MTCL2: variants seen among roughly 807,000 people sequenced by gnomAD.
The protein encoded by MTCL2 is microtubule crosslinking factor 2.
the MTCL2 span, chr20:36,784,678 C>T: frequency 9.1e-6 from 9 of 985,418 alleles, no homozygotes; most frequent in Non-Finnish European, 9.6e-6. Context: ...CCACATGCTG[C>T]AATGAGCCAC....
the MTCL2 span, chr20:36,815,926 C>T: frequency 4.3e-6 from 7 of 1,612,228 alleles, no homozygotes; most frequent in South Asian, 1.1e-5. The surrounding 1 kb of genome is among the most constrained non-coding windows in gnomAD (Gnocchi z 5.3). Flanking sequence ...AAGCTCTCCC[C>T]GCACTCTCCG....
At chr20:36,843,158 G>T in the MTCL2 span, among the ~76,000 whole-genome samples, 1 of 152,168 alleles carries the variant, frequency 6.6e-6, no homozygotes, top group Non-Finnish European at 1.5e-5. Flanking sequence ...TTGTGCCTGT[G>T]AAAGGAACAA....
the MTCL2 span, among the ~76,000 whole-genome samples, chr20:36,797,272 C>T: frequency 6.6e-6 from 1 of 152,062 alleles, no homozygotes; most frequent in Non-Finnish European, 1.5e-5. Context: ...TTGTCTTCTT[C>T]CTCCTCAACC....
the MTCL2 span, among the ~76,000 whole-genome samples, chr20:36,843,531 C>A: frequency 2.7e-5 from 4 of 149,490 alleles, no homozygotes; most frequent in Non-Finnish European, 4.4e-5. Context: ...AATGATCACA[C>A]CAGTTAAAAA....
the MTCL2 span, chr20:36,782,226 G>T: frequency 6.6e-6 from 1 of 152,136 alleles, no homozygotes; most frequent in African/African-American, 2.4e-5. Flanking sequence ...TGCTGAATGG[G>T]GACCTCAGAT....
chr20:36,788,520 C>T, the MTCL2 span, among the ~76,000 whole-genome samples: 2 of 151,986 alleles, frequency 1.3e-5, no homozygotes, highest in Non-Finnish European at 2.9e-5. Flanking sequence ...TGCCTGTAGT[C>T]CCAGCTACTT....
At chr20:36,794,769 C>CT in the MTCL2 span, 78,959 of 595,382 alleles carry the variant, frequency 0.13, no homozygotes, top group South Asian at 0.16. The surrounding 1 kb of genome is among the most constrained non-coding windows in gnomAD (Gnocchi z 5.4). Context: ...TCTGCATTTT[C>CT]TTTTTTTTTT....
At chr20:36,786,444 C>A in the MTCL2 span, 2 of 1,502,672 alleles carry the variant, frequency 1.3e-6, no homozygotes, top group African/African-American at 2.8e-5. Flanking sequence ...TTCTGCTATC[C>A]AGGGGCTGGG....
chr20:36,807,101 GGGC>G, the MTCL2 span, among the ~76,000 whole-genome samples: 1 of 152,192 alleles, frequency 6.6e-6, no homozygotes, highest in Non-Finnish European at 1.5e-5. Flanking sequence ...ATGCTCCCAG[GGGC>G]GGCCCTGTGT....
chr20:36,832,249 T>C, the MTCL2 span, among the ~76,000 whole-genome samples: 1 of 152,314 alleles, frequency 6.6e-6, no homozygotes, highest in East Asian at 1.9e-4. Flanking sequence ...CAGGAAGGGC[T>C]GCACCCCTGG....
the MTCL2 span, among the ~76,000 whole-genome samples, chr20:36,832,056 C>T: frequency 1.1e-4 from 16 of 152,204 alleles, no homozygotes; most frequent in Non-Finnish European, 1.6e-4. Context: ...CCAGCAGCAG[C>T]GCAGCGTCAG....
the MTCL2 span, among the ~76,000 whole-genome samples, chr20:36,807,779 C>T: frequency 6.6e-6 from 1 of 151,746 alleles, no homozygotes; most frequent in Non-Finnish European, 1.5e-5. Flanking sequence ...TGCCTGTAAT[C>T]CCAGCACTTT....
chr20:36,832,040 T>C, the MTCL2 span, among the ~76,000 whole-genome samples: 1 of 152,212 alleles, frequency 6.6e-6, no homozygotes, highest in African/African-American at 2.4e-5. Context: ...TTCATATCTA[T>C]GTGTCCCAGC....
the MTCL2 span, among the ~76,000 whole-genome samples, chr20:36,825,163 G>A: frequency 6.6e-6 from 1 of 151,800 alleles, no homozygotes; most frequent in African/African-American, 2.4e-5. Context: ...GGCTGGTCTC[G>A]AACTCCTGAC....
At chr20:36,792,755 C>T in the MTCL2 span, among the ~76,000 whole-genome samples, 1 of 152,082 alleles carries the variant, frequency 6.6e-6, no homozygotes, top group Non-Finnish European at 1.5e-5. Flanking sequence ...TGGGACCTTC[C>T]AACTCTATCC....
At chr20:36,783,621 C>A in the MTCL2 span, 1 of 238,310 alleles carries the variant, frequency 4.2e-6, no homozygotes, top group Non-Finnish European at 6.8e-6. Context: ...GGCAGAGAGG[C>A]AGGAGGAAGG....
At chr20:36,858,550 G>A in the MTCL2 span, among the ~76,000 whole-genome samples, 5 of 147,378 alleles carry the variant, frequency 3.4e-5, no homozygotes, top group South Asian at 2.1e-4. Context: ...ACACCTTTCC[G>A]TTCTCCCTGG....
At chr20:36,860,477 TA>T in the MTCL2 span, among the ~76,000 whole-genome samples, 1 of 152,248 alleles carries the variant, frequency 6.6e-6, no homozygotes, top group South Asian at 2.1e-4. Context: ...AGGTTCTAAA[TA>T]AACAGCTGCC....
At chr20:36,779,853 G>A in the MTCL2 span, 1 of 152,070 alleles carries the variant, frequency 6.6e-6, no homozygotes, top group Non-Finnish European at 1.5e-5. Flanking sequence ...GTGAGCTCCG[G>A]ACCCAGAAGA....
Sources: allele counts gnomAD v4.1 joint callset (sites outside exome capture counted in the v4.1 genomes callset), GRCh38; gene constraint gnomAD v4.1.1; non-coding constraint Gnocchi (gnomAD v3.1); transcripts MANE v1.5; gene names NCBI Gene and HGNC (gene_info 2026-07-23, HGNC 2026-07-21).